The following PCDHGB1 variants were observed in gnomAD, a reference collection of about 807,000 sequenced individuals.
The protein encoded by PCDHGB1 is protocadherin gamma subfamily B, 1.
Under a neutral mutation model 56.6 loss-of-function variants are expected in PCDHGB1, and 34 were observed. The observed-to-expected ratio is 0.60, with a 90% CI of 0.46 to 0.80. The LOEUF is 0.80. Ranked by LOEUF, PCDHGB1 falls within the 30% of genes least tolerant of loss-of-function variation. The probability of loss-of-function intolerance (pLI) is 0.00; values close to 1 mark genes in which losing one functional copy is unlikely to be tolerated. For synonymous variants in PCDHGB1, 561 were observed against 505.9 expected (o/e 1.11, Z -1.46); for missense variants, 1,278 against 1,204.6 (o/e 1.06, Z -0.90).
intron 1 of PCDHGB1, among the ~76,000 whole-genome samples, chr5:141,401,278 G>T (rs1355696847): frequency 6.6e-6 from 1 of 152,160 alleles, no homozygotes; most frequent in Non-Finnish European, 1.5e-5. Context: ...GCAGGTGGAG[G>T]TTGCGGTGAG....
At chr5:141,383,556 C>T (rs1365311931) in intron 1 of PCDHGB1, 1 of 1,612,766 alleles carries the variant, frequency 6.2e-7, no homozygotes, top group Non-Finnish European at 8.5e-7. Context: ...ATGGCGGCGA[C>T]CCGCCCCGAT....
In PCDHGB1 at chr5:141,432,808, C is replaced by G. The variant is rs1473886709; in HGVS notation, c.2410-61999C>G. ...TCGGCAGCCTCGAGTCTCCAGCTAA[C>G]TCTGAAACCTCAGACCTCACTCTGT... is the stretch of plus-strand genomic sequence containing the variant. On this transcript the variant is annotated intron_variant, in intron 1 of 3. Coordinates refer to ENST00000523390, the MANE Select transcript of PCDHGB1 (RefSeq NM_018922.3). This position sits in a 1 kb window ranked among gnomAD's most constrained non-coding sequence, Gnocchi z 6.0. 2 of 1,613,486 alleles carry G rather than the reference C, an allele frequency of 1.2e-6. No individual in the cohort carries two copies. Among genetic ancestry groups the G allele is most frequent in the Non-Finnish European group, 1.7e-6 (2 of 1,180,008 alleles).
At position 141,511,262 on chromosome 5, in the gene PCDHGB1, G is replaced by A; in HGVS notation, c.*89G>A. 1 of 1,556,036 alleles carries A rather than the reference G, an allele frequency of 6.4e-7. No individual in the cohort carries two copies. The highest frequency in any genetic ancestry group is 8.7e-7 in the Non-Finnish European group (1 of 1,150,444). On this transcript the variant is annotated 3_prime_UTR_variant, in exon 4 of 4. Transcript: ENST00000523390. ...TGCACCCAGGCCTCAGAGTTTCAGG[G>A]CTAACCCCCAGAATACTGGTAGGGG...
At chr5:141,382,663 G>T (rs1236015442) in intron 1 of PCDHGB1, 1 of 419,258 alleles carries the variant, frequency 2.4e-6, no homozygotes, top group African/African-American at 2.0e-5. Context: ...GACTCACAGC[G>T]CCGCTGTTCA....
rs764919264 is a variant in PCDHGB1, at chr5:141,383,778, T to A, written c.2409+31109T>A. 2.5e-6 allele frequency: 4 copies of A among 1,614,004 alleles called. No individual in the cohort carries two copies. The South Asian group carries it at 4.4e-5, about 18-fold the overall frequency. ...CTCCTAAACTTCCAAAGATGTTTCA[T>A]CTGAACTCGCTTACAGGAGAAATAT... is the stretch of plus-strand genomic sequence containing the variant. On this transcript the variant is annotated intron_variant, in intron 1 of 3. Coordinates refer to ENST00000523390, the MANE Select transcript of PCDHGB1 (RefSeq NM_018922.3).
chr5:141,456,872 A>C (rs1003618586), intron 1 of PCDHGB1, among the ~76,000 whole-genome samples: 2 of 152,152 alleles, frequency 1.3e-5, no homozygotes, highest in African/African-American at 4.8e-5. Context: ...CTGAGGCAGG[A>C]GAATCGCTTG....
At chr5:141,365,872 G>A (rs1172437111) in intron 1 of PCDHGB1, 1 of 1,614,088 alleles carries the variant, frequency 6.2e-7, no homozygotes, top group African/African-American at 1.3e-5. Flanking sequence ...CCGGTGTCCT[G>A]TATGCTCTGA....
In PCDHGB1 at chr5:141,375,395, A is replaced by T. The variant is rs571734136; in HGVS notation, c.2409+22726A>T. 1.2e-6 allele frequency: 2 copies of T among 1,613,932 alleles called. No individual in the cohort carries two copies. The highest frequency in any genetic ancestry group is 2.2e-5 in the South Asian group (2 of 91,080). ...ACCACCTCTGTCTACAGAAACAATC[A>T]TCTCTCTAAATGTGGCAGACACCAA... On this transcript the variant is annotated intron_variant, in intron 1 of 3. Coordinates refer to ENST00000523390, the MANE Select transcript of PCDHGB1 (RefSeq NM_018922.3).
Position 141,428,007 on chromosome 5 carries a change from A to T in PCDHGB1, c.2410-66800A>T, listed in dbSNP as rs770851074. 9.4e-6 allele frequency: 15 copies of T among 1,602,018 alleles called. No individual in the cohort carries two copies. In the African/African-American group the frequency reaches 1.5e-4, roughly 16 times the overall value. ...GCCCGATGGCTCCGCACTCTTCGAT[A>T]TAGTGCCACGCGCCGCAGAGTCCGG... On this transcript the variant is annotated intron_variant, in intron 1 of 3. Coordinates refer to ENST00000523390, the MANE Select transcript of PCDHGB1 (RefSeq NM_018922.3).
intron 1 of PCDHGB1, among the ~76,000 whole-genome samples, chr5:141,401,347 A>T (rs2094143126): frequency 6.6e-6 from 1 of 152,228 alleles, no homozygotes; most frequent in South Asian, 2.1e-4. Context: ...CATCTCAAAA[A>T]AAAGGAAGGA....
At position 141,477,722 on chromosome 5, in the gene PCDHGB1, A is replaced by G. The variant is rs768705340; in HGVS notation, c.2410-17085A>G. 9.3e-6 allele frequency: 15 copies of G among 1,613,878 alleles called. No homozygotes were observed. In the Middle Eastern group the frequency reaches 6.6e-4, roughly 71 times the overall value. On this transcript the variant is annotated intron_variant, in intron 1 of 3. Transcript: ENST00000523390. The surrounding 1 kb of genome is among the most constrained non-coding windows in gnomAD (Gnocchi z 4.9). ...TGAGGATCGGCGGGAATTTGAATTA[A>G]CAGCTCATATCAGCGATGGGGGCAC...
intron 1 of PCDHGB1, chr5:141,394,841 C>A: frequency 6.2e-7 from 1 of 1,613,852 alleles, no homozygotes; most frequent in Non-Finnish European, 8.5e-7. Flanking sequence ...CCGAGTTGGG[C>A]AGTCTGAAGC....
At chr5:141,405,440 GAC>G (rs1297950312) in intron 1 of PCDHGB1, 3 of 1,417,402 alleles carry the variant, frequency 2.1e-6, no homozygotes, top group Non-Finnish European at 2.9e-6. Flanking sequence ...TTGTTTTTGA[GAC>G]AGAGTCTTAC....
In PCDHGB1 at chr5:141,432,654, T is replaced by C. The variant is rs2097525297; in HGVS notation, c.2410-62153T>C. ...GGCGAGGTGCGCACGGCGCGAGCCC[T>C]GCTGGACAGAGACGCGCTCAAGCAG... is the stretch of plus-strand genomic sequence containing the variant. On this transcript the variant is annotated intron_variant, in intron 1 of 3. Transcript: ENST00000523390. This position sits in a 1 kb window ranked among gnomAD's most constrained non-coding sequence, Gnocchi z 6.0. The C allele has an allele frequency of 1.2e-6, 2 of 1,613,816 alleles. No homozygotes were observed. Among genetic ancestry groups the C allele is most frequent in the African/African-American group, 1.3e-5 (1 of 75,034 alleles).
At chr5:141,463,583 G>A (rs1444995569) in intron 1 of PCDHGB1, among the ~76,000 whole-genome samples, 1 of 151,598 alleles carries the variant, frequency 6.6e-6, no homozygotes, top group African/African-American at 2.4e-5. Flanking sequence ...CGAGTAGCTG[G>A]GACTACAGGT....
At chr5:141,453,351 C>T (rs1210851703) in intron 1 of PCDHGB1, among the ~76,000 whole-genome samples, 3 of 151,738 alleles carry the variant, frequency 2.0e-5, no homozygotes, top group African/African-American at 7.3e-5. Context: ...CCAGGCTGAC[C>T]CTGAACTCCT....
chr5:141,478,549 A>G lies in PCDHGB1; in HGVS notation c.2410-16258A>G, dbSNP rs369095515. 8 of 1,602,904 alleles carry G rather than the reference A, an allele frequency of 5.0e-6. No individual in the cohort carries two copies. In the African/African-American group the frequency reaches 1.1e-4, roughly 21 times the overall value. On this transcript the variant is annotated intron_variant, in intron 1 of 3. Coordinates refer to ENST00000523390, the MANE Select transcript of PCDHGB1 (RefSeq NM_018922.3). ...CAGAGAGCGCCCCTCCCGGACAGGT[A>G]AGGTTTAGCAAGTCATGCTTGACCC...
intron 1 of PCDHGB1, among the ~76,000 whole-genome samples, chr5:141,463,438 CTTTTTTTTTTTTTTTT>C (rs71576115): frequency 1.9e-5 from 2 of 103,256 alleles, no homozygotes; most frequent in African/African-American, 4.5e-5. Context: ...TTTCCTTCTC[CTTTTTTTTTTTTTTTT>C]TTTTTTTTTT....
rs776773140 is a variant in PCDHGB1, at chr5:141,476,589, G to A, written c.2410-18218G>A. 5 of 1,614,246 alleles carry A rather than the reference G, an allele frequency of 3.1e-6. No individual in the cohort carries two copies. Among genetic ancestry groups the A allele is most frequent in the Non-Finnish European group, 4.2e-6 (5 of 1,180,046 alleles). On this transcript the variant is annotated intron_variant, in intron 1 of 3. Coordinates refer to ENST00000523390, the MANE Select transcript of PCDHGB1 (RefSeq NM_018922.3). This position sits in a 1 kb window ranked among gnomAD's most constrained non-coding sequence, Gnocchi z 7.6. ...CCGGGGACGCGCTTTCCGCTCGAGA[G>A]CGCGCACGATCCCGATGTGGGAAGC...
Sources: gnomAD v4.1 joint callset for allele counts (sites outside exome capture counted in the v4.1 genomes callset) on GRCh38, gnomAD v4.1.1 for gene constraint, Gnocchi (gnomAD v3.1) non-coding constraint, MANE v1.5 for transcripts, NCBI Gene and HGNC (gene_info 2026-07-23, HGNC 2026-07-21) for gene names.